Variants in SGCZ observed in about 807,000 individuals in gnomAD.
SGCZ encodes zeta-sarcoglycan.
SGCZ carries 40 observed loss-of-function variants against 41.3 expected under a neutral mutation model. The observed-to-expected ratio is 0.97, with a 90% CI of 0.75 to 1.26. The LOEUF is 1.26. SGCZ is among the 50% of genes most tolerant of loss of function. The pLI, the probability that SGCZ is intolerant of heterozygous loss-of-function variation, is 0.00. For missense variants in SGCZ, 552 were observed against 369.8 expected (o/e 1.49, Z -4.04); for synonymous variants, 206 against 137.5 (o/e 1.50, Z -3.49).
At chr8:14,559,902 T>C (rs1804156352) in intron 1 of SGCZ, among the ~76,000 whole-genome samples, 1 of 152,146 alleles carries the variant, frequency 6.6e-6, no homozygotes, top group Non-Finnish European at 1.5e-5. Context: ...TATTTCTTAA[T>C]TAAACTCTGA....
At chr8:14,633,155 T>A (rs1806714776) in intron 1 of SGCZ, among the ~76,000 whole-genome samples, 1 of 152,018 alleles carries the variant, frequency 6.6e-6, no homozygotes, top group Non-Finnish European at 1.5e-5. Context: ...TAGCATGTCA[T>A]GAATAAATAC....
chr8:14,479,450 C>A (rs1424979904), intron 2 of SGCZ, among the ~76,000 whole-genome samples: 1 of 152,120 alleles, frequency 6.6e-6, no homozygotes, highest in Non-Finnish European at 1.5e-5. Flanking sequence ...TCTCCCAGTT[C>A]ACTGACAAAG....
chr8:14,382,418 T>TA (rs1338301982), intron 2 of SGCZ, among the ~76,000 whole-genome samples: 53 of 150,906 alleles, frequency 3.5e-4, no homozygotes, highest in East Asian at 9.8e-4. Flanking sequence ...CAAAAAAATT[T>TA]AAAAAAAAAC....
intron 1 of SGCZ, among the ~76,000 whole-genome samples, chr8:14,776,275 G>T (rs1266748969): frequency 1.3e-5 from 2 of 151,974 alleles, no homozygotes; most frequent in Non-Finnish European, 1.5e-5. Context: ...GTGAATCATG[G>T]GGGTGGTTTC....
At chr8:14,199,509 C>G (rs1044905052) in intron 4 of SGCZ, among the ~76,000 whole-genome samples, 4 of 152,146 alleles carry the variant, frequency 2.6e-5, no homozygotes, top group African/African-American at 4.8e-5. Flanking sequence ...AGCATGTGAT[C>G]TCTGTGACCC....
intron 5 of SGCZ, among the ~76,000 whole-genome samples, chr8:14,126,458 A>T (rs1238337346): frequency 9.7e-6 from 1 of 102,630 alleles, no homozygotes; most frequent in Non-Finnish European, 1.9e-5. Context: ...AATGGCTATT[A>T]TTAAAAAGTA....
At chr8:15,161,112 T>G (rs754977031) in intron 1 of SGCZ, among the ~76,000 whole-genome samples, 34 of 152,208 alleles carry the variant, frequency 2.2e-4, no homozygotes, top group South Asian at 6.2e-4. Flanking sequence ...TCTGGTTCCC[T>G]GCTCCCTCTC....
intron 1 of SGCZ, among the ~76,000 whole-genome samples, chr8:15,097,886 GTGTA>G (rs1162033469): frequency 1.1e-4 from 2 of 19,014 alleles, no homozygotes; most frequent in Admixed American, 1.7e-3. Context: ...ATATATACGT[GTGTA>G]TATATATATA....
chr8:14,758,706 T>G (rs1332752835), intron 1 of SGCZ, among the ~76,000 whole-genome samples: 3 of 152,124 alleles, frequency 2.0e-5, no homozygotes, highest in Admixed American at 6.6e-5. Context: ...TTTCTTTATT[T>G]TCTTAAAATT....
intron 2 of SGCZ, among the ~76,000 whole-genome samples, chr8:14,479,759 T>A (rs1319219154): frequency 1.2e-5 from 1 of 81,100 alleles, no homozygotes; most frequent in Non-Finnish European, 3.1e-5. Flanking sequence ...TTTTTTTTTT[T>A]TTATTTGAGA....
chr8:14,711,601 A>T (rs1317779606), intron 1 of SGCZ, among the ~76,000 whole-genome samples: 2 of 45,908 alleles, frequency 4.4e-5, no homozygotes, highest in Non-Finnish European at 6.7e-5. Flanking sequence ...GACTCTGTAA[A>T]AAAAAAAAAA....
intron 2 of SGCZ, among the ~76,000 whole-genome samples, chr8:14,500,559 CCG>C (rs924380669): frequency 6.6e-6 from 1 of 151,782 alleles, no homozygotes; most frequent in African/African-American, 2.4e-5. Context: ...AAAAAGTCAA[CCG>C]TGAGTTTTCT....
intron 1 of SGCZ, among the ~76,000 whole-genome samples, chr8:14,916,630 A>G (rs981627022): frequency 6.6e-6 from 1 of 152,200 alleles, no homozygotes; most frequent in Non-Finnish European, 1.5e-5. Flanking sequence ...ACTTCACTTC[A>G]TATTTTGTAG....
rs752339693 is a variant in SGCZ, at chr8:14,164,647, A to G, written c.480T>C (p.Asp160=). Residue 160 remains aspartate, a synonymous_variant, in exon 5 of 8, where the codon GAT becomes GAC. Transcript: ENST00000382080. ...CKRFEVRASE[D]GRVLFSADED... ...CATCTGCAGAAAACAGCACCCTGCC[A>G]TCTTCACTGGCTCTCACTTCAAATC... 9 of 1,613,556 alleles carry G rather than the reference A, an allele frequency of 5.6e-6. No individual in the cohort carries two copies. The East Asian group carries it at 2.0e-4, about 36-fold the overall frequency.
intron 3 of SGCZ, among the ~76,000 whole-genome samples, chr8:14,260,745 C>T (rs946479779): frequency 2.0e-5 from 3 of 152,174 alleles, no homozygotes; most frequent in African/African-American, 4.8e-5. Context: ...GGCACATATA[C>T]ACCATGGAAT....
chr8:14,929,740 T>A (rs140496124), intron 1 of SGCZ, among the ~76,000 whole-genome samples: 2 of 152,140 alleles, frequency 1.3e-5, no homozygotes, highest in African/African-American at 2.4e-5. Context: ...GAATGCAGGT[T>A]TTCATGGGTA....
At chr8:14,998,074 C>T (rs77364989) in intron 1 of SGCZ, among the ~76,000 whole-genome samples, 3,315 of 152,264 alleles carry the variant, frequency 0.022, 137 homozygotes, top group African/African-American at 0.075. Flanking sequence ...GATTCAACTA[C>T]GAAGTAACAC....
chr8:14,455,748 C>T (rs1325783921), intron 2 of SGCZ, among the ~76,000 whole-genome samples: 1 of 152,126 alleles, frequency 6.6e-6, no homozygotes, highest in African/African-American at 2.4e-5. Flanking sequence ...CACATTTACA[C>T]AAAAGAGTTC....
intron 1 of SGCZ, among the ~76,000 whole-genome samples, chr8:14,835,839 A>G (rs1276819050): frequency 2.0e-5 from 3 of 152,222 alleles, no homozygotes; most frequent in Admixed American, 2.0e-4. Context: ...TTTCAGTAGA[A>G]ACAATCATTA....
Sources: allele counts gnomAD v4.1 joint callset (sites outside exome capture counted in the v4.1 genomes callset), GRCh38; gene constraint gnomAD v4.1.1; transcripts MANE v1.5; gene names NCBI Gene and HGNC (gene_info 2026-07-23, HGNC 2026-07-21).